TDRD12: variants seen among roughly 807,000 people sequenced by gnomAD.
The protein encoded by TDRD12 is putative ATP-dependent RNA helicase TDRD12.
TDRD12 carries 158 observed loss-of-function variants against 133.5 expected under a neutral mutation model. The ratio of observed to expected loss-of-function variants is 1.18; its 90% CI spans 1.04 to 1.35. The LOEUF (loss-of-function observed/expected upper bound fraction) is 1.35. TDRD12 is among the 40% of genes most tolerant of loss of function. The probability of loss-of-function intolerance (pLI) is 0.00; values close to 1 mark genes in which losing one functional copy is unlikely to be tolerated. For missense variants in TDRD12, 1,443 were observed against 1,321.3 expected (o/e 1.09, Z -1.43); for synonymous variants, 460 against 477.9 (o/e 0.96, Z 0.49).
rs1317816809 is a variant in TDRD12, at chr19:32,816,323, T to TC, written c.3314+708dup. 5.3e-5 allele frequency among the ~76,000 whole-genome samples: 8 copies of TC among 152,004 alleles called. 1 individual carries two copies. The highest frequency in any genetic ancestry group is 2.1e-4 in the South Asian group (1 of 4,818). ...CAGAGCCTCCCCTCCCTCTAGGTAC[T>TC]CCCCCTCCCCAAGAGGAGCCATTCT... On this transcript the variant is annotated intron_variant, in intron 26 of 27. Transcript: ENST00000444215.
chr19:32,744,991 C>T (rs765007829), intron 4 of TDRD12, among the ~76,000 whole-genome samples: 19 of 151,856 alleles, frequency 1.3e-4, no homozygotes, highest in Non-Finnish European at 2.1e-4. Context: ...ATCACTCTTG[C>T]GGCTGGCGTG....
At chr19:32,746,864 TGTG>T (rs1969657013) in intron 4 of TDRD12, among the ~76,000 whole-genome samples, 1 of 139,562 alleles carries the variant, frequency 7.2e-6, no homozygotes, top group African/African-American at 2.8e-5. Context: ...GACTGGCTGA[TGTG>T]GTTATTCTGT....
chr19:32,798,924 C>A (rs190299098), intron 16 of TDRD12, among the ~76,000 whole-genome samples: 1 of 152,362 alleles, frequency 6.6e-6, no homozygotes, highest in African/African-American at 2.4e-5. Context: ...GCCACCGCTT[C>A]CTGTTCCACA....
At chr19:32,763,277 T>C (rs1387881215) in intron 8 of TDRD12, among the ~76,000 whole-genome samples, 1 of 152,152 alleles carries the variant, frequency 6.6e-6, no homozygotes, top group Non-Finnish European at 1.5e-5. Flanking sequence ...ACCATATAAA[T>C]GGTAGGAGGG....
At chr19:32,828,351 G>C (rs529332513) in exon 10 of TDRD12, 2 of 152,298 alleles carry the variant, frequency 1.3e-5, no homozygotes, top group South Asian at 4.2e-4. Context: ...GAGCCCTGCA[G>C]ACATTCGCCA....
chr19:32,719,767 C>G, exon 1 of TDRD12: 1 of 508,050 alleles, frequency 2.0e-6, no homozygotes, highest in South Asian at 2.1e-5. Flanking sequence ...GCCTCAAGGC[C>G]TGCTCAGCGT....
Position 32,818,261 on chromosome 19 carries a change from C to T in TDRD12, c.3383+104C>T, listed in dbSNP as rs114819953. 1,238 of 620,242 alleles carry T rather than the reference C, an allele frequency of 2.0e-3. 12 individuals are homozygous for T. In the African/African-American group the frequency reaches 0.02, roughly 10 times the overall value. The allele number at this position is 620,242 out of a possible 1,614,324, so 38.4% of individuals were successfully genotyped here. ...ACACCTGGGAGGAGTCTCCACGGGC[C>T]GAGGGAAGGACTGGGCTGTGAGTTC... On this transcript the variant is annotated intron_variant, in intron 27 of 27. Coordinates refer to ENST00000444215, the Ensembl canonical transcript of TDRD12.
At chr19:32,827,315 A>G (rs1967622882) in exon 10 of TDRD12, 1 of 1,094,544 alleles carries the variant, frequency 9.1e-7, no homozygotes, top group Non-Finnish European at 1.2e-6. Flanking sequence ...GGATATTGCC[A>G]TGTGACCGAC....
intron 11 of TDRD12, among the ~76,000 whole-genome samples, chr19:32,789,003 C>T (rs901145336): frequency 2.5e-4 from 38 of 152,204 alleles, no homozygotes; most frequent in Admixed American, 8.5e-4. Context: ...GCCTACAGCC[C>T]CGAGTCCTGA....
chr19:32,727,615 A>G (rs1029508532), intron 1 of TDRD12, among the ~76,000 whole-genome samples: 13 of 152,084 alleles, frequency 8.5e-5, no homozygotes, highest in African/African-American at 3.1e-4. Context: ...TCTTTGATCC[A>G]TTTTGAGTAT....
chr19:32,727,263 ATCT>A (rs1287990567), intron 1 of TDRD12, among the ~76,000 whole-genome samples: 1 of 152,124 alleles, frequency 6.6e-6, no homozygotes, highest in African/African-American at 2.4e-5. Context: ...CCATTTGTAT[ATCT>A]TCTTTGGAGA....
chr19:32,771,557 G>A (rs923994248), intron 8 of TDRD12, among the ~76,000 whole-genome samples: 1 of 148,260 alleles, frequency 6.7e-6, no homozygotes, highest in South Asian at 2.1e-4. Context: ...TCTTCATATC[G>A]TCAGATGTGG....
chr19:32,780,457 A>G (rs955112636), intron 11 of TDRD12, among the ~76,000 whole-genome samples: 1 of 152,192 alleles, frequency 6.6e-6, no homozygotes, highest in Admixed American at 6.5e-5. Context: ...CGAAGCCTGG[A>G]CTGAAATGCC....
intron 8 of TDRD12, 145 bp from the exon 9 acceptor site, chr19:32,772,608 G>C (rs1970471918): frequency 2.0e-6 from 1 of 506,558 alleles, no homozygotes; most frequent in South Asian, 3.6e-5. Context: ...CCTCGAGTAA[G>C]GTTTACTACA....
At chr19:32,790,638 G>A (rs1568480069) in intron 12 of TDRD12, 47 bp downstream of exon 12, 2 of 1,551,468 alleles carry the variant, frequency 1.3e-6, no homozygotes, top group Non-Finnish European at 1.7e-6. Flanking sequence ...AGAAAAAACT[G>A]TTTATTCTTT....
chr19:32,760,106 G>A (rs1169829227), intron 8 of TDRD12, among the ~76,000 whole-genome samples: 1 of 152,204 alleles, frequency 6.6e-6, no homozygotes, highest in East Asian at 1.9e-4. Flanking sequence ...CTACATCATC[G>A]TGTTTAATTA....
chr19:32,813,790 T>G lies in TDRD12; in HGVS notation c.3141+14T>G, dbSNP rs1304564468. The G allele has an allele frequency of 6.8e-7, 1 of 1,459,990 alleles. No homozygotes were observed. The highest frequency in any genetic ancestry group is 2.1e-5 in the Admixed American group (1 of 48,504). 90.4% of individuals were successfully genotyped at this position (1,459,990 alleles called of 1,614,324 possible). On this transcript the variant is annotated intron_variant, in intron 25 of 27. Coordinates refer to ENST00000444215, the Ensembl canonical transcript of TDRD12. ...ATTGATCCAATGGTAAGTACGCATT[T>G]TTTCTTAGAAATAAATTTGTTTGAA...
At chr19:32,750,899 A>G (rs1969804800) in intron 6 of TDRD12, among the ~76,000 whole-genome samples, 2 of 152,240 alleles carry the variant, frequency 1.3e-5, no homozygotes, top group Admixed American at 1.3e-4. Flanking sequence ...GCATCCCAGC[A>G]GGGGTTTATG....
At chr19:32,736,904 C>T (rs1194622799) in intron 2 of TDRD12, among the ~76,000 whole-genome samples, 4 of 152,154 alleles carry the variant, frequency 2.6e-5, no homozygotes, top group Admixed American at 2.6e-4. Context: ...TCTTAACTTA[C>T]GATGAGGTTA....
Sources: gnomAD v4.1 joint callset for allele counts (sites outside exome capture counted in the v4.1 genomes callset) on GRCh38, gnomAD v4.1.1 for gene constraint, MANE v1.5 for transcripts, NCBI Gene and HGNC (gene_info 2026-07-23, HGNC 2026-07-21) for gene names.